TP63: variants seen among roughly 807,000 people sequenced by gnomAD.
The protein encoded by TP63 is tumor protein 63.
TP63 carries 17 observed loss-of-function variants against 82.8 expected under a neutral mutation model. The ratio of observed to expected loss-of-function variants is 0.21; its 90% confidence interval spans 0.14 to 0.31. The LOEUF (loss-of-function observed/expected upper bound fraction) is 0.31. TP63 is among the 10% of genes least tolerant of loss of function. The pLI, the probability that TP63 is intolerant of heterozygous loss-of-function variation, is 1.00. For synonymous variants in TP63, 330 were observed against 321.7 expected (o/e 1.03, Z -0.28); for missense variants, 648 against 895.3 (o/e 0.72, Z 3.52).
intron 3 of TP63, among the ~76,000 whole-genome samples, chr3:189,749,031 C>T (rs1168718412): frequency 3.3e-5 from 5 of 151,856 alleles, no homozygotes; most frequent in Non-Finnish European, 7.4e-5. Flanking sequence ...CAAAAATCAA[C>T]ACAGATAAAA....
intron 1 of TP63, among the ~76,000 whole-genome samples, chr3:189,683,166 G>T (rs376745129): frequency 3.3e-5 from 5 of 152,208 alleles, no homozygotes; most frequent in African/African-American, 1.2e-4. Flanking sequence ...TAATTATAAA[G>T]ACATTGCCTA....
intron 4 of TP63, among the ~76,000 whole-genome samples, chr3:189,818,367 C>T (rs1396908516): frequency 6.6e-6 from 1 of 151,950 alleles, no homozygotes. Context: ...TTGGAAATAA[C>T]AAAATGATTC....
At chr3:189,865,065 A>C (rs1041863993) in intron 5 of TP63, among the ~76,000 whole-genome samples, 16 of 152,140 alleles carry the variant, frequency 1.1e-4, no homozygotes, top group South Asian at 4.1e-4. Context: ...CATGGTAGCT[A>C]TTCTACTTGG....
chr3:189,647,893 A>G (rs544822238), intron 1 of TP63, among the ~76,000 whole-genome samples: 1 of 147,412 alleles, frequency 6.8e-6, no homozygotes, highest in Non-Finnish European at 1.5e-5. Flanking sequence ...TTTCACTTGC[A>G]ATGGAAATGT....
intron 1 of TP63, among the ~76,000 whole-genome samples, chr3:189,725,365 C>T (rs1175780293): frequency 1.3e-5 from 2 of 151,996 alleles, no homozygotes; most frequent in Non-Finnish European, 2.9e-5. Context: ...AAACATAGGA[C>T]TTATCGGGAC....
chr3:189,767,315 C>T (rs1439269938), intron 3 of TP63, among the ~76,000 whole-genome samples: 1 of 152,028 alleles, frequency 6.6e-6, no homozygotes, highest in Non-Finnish European at 1.5e-5. Context: ...TAATAACTCA[C>T]ATAACATGTT....
intron 1 of TP63, among the ~76,000 whole-genome samples, chr3:189,676,649 T>C (rs553533113): frequency 2.0e-5 from 3 of 151,956 alleles, no homozygotes; most frequent in African/African-American, 7.2e-5. Flanking sequence ...CATGGATACA[T>C]TGGATAGTAG....
At chr3:189,888,496 T>A (rs974782528) in intron 11 of TP63, among the ~76,000 whole-genome samples, 2 of 152,208 alleles carry the variant, frequency 1.3e-5, no homozygotes, top group African/African-American at 4.8e-5. Flanking sequence ...GGGAAACAGA[T>A]TGAGATGTGA....
chr3:189,863,940 C>T (rs1663374183), intron 4 of TP63, among the ~76,000 whole-genome samples: 1 of 152,196 alleles, frequency 6.6e-6, no homozygotes, highest in Admixed American at 6.5e-5. Flanking sequence ...TTAAACCCCT[C>T]TGAGCCTCAG....
chr3:189,619,796 A>G, the TP63 span, among the ~76,000 whole-genome samples: 1 of 152,140 alleles, frequency 6.6e-6, no homozygotes, highest in Non-Finnish European at 1.5e-5. Flanking sequence ...GATCAACCTC[A>G]GTAAATTGTA....
At chr3:189,617,993 G>A in the TP63 span, among the ~76,000 whole-genome samples, 2 of 152,160 alleles carry the variant, frequency 1.3e-5, no homozygotes, top group Non-Finnish European at 2.9e-5. Flanking sequence ...AACTCAAACT[G>A]TCTGTACCCA....
intron 3 of TP63, among the ~76,000 whole-genome samples, chr3:189,751,344 A>G (rs1721809320): frequency 6.6e-6 from 1 of 152,172 alleles, no homozygotes; most frequent in Admixed American, 6.5e-5. Flanking sequence ...CAGTAATGGG[A>G]CCGCTGGGTC....
intron 3 of TP63, among the ~76,000 whole-genome samples, chr3:189,778,234 A>T (rs556570946): frequency 6.6e-6 from 1 of 152,330 alleles, no homozygotes; most frequent in African/African-American, 2.4e-5. Context: ...AGTGTTTGAA[A>T]GGAAATGTGT....
At chr3:189,714,643 C>T (rs11915751) in intron 1 of TP63, among the ~76,000 whole-genome samples, 94,249 of 151,890 alleles carry the variant, frequency 0.62, 29,609 homozygotes, top group Middle Eastern at 0.71. Flanking sequence ...TTTTCCTTGG[C>T]TGGAGATTAT....
intron 3 of TP63, among the ~76,000 whole-genome samples, chr3:189,752,689 C>G (rs1047230522): frequency 2.0e-5 from 3 of 151,818 alleles, no homozygotes; most frequent in Non-Finnish European, 2.9e-5. Context: ...TATTTGCTTT[C>G]TTTTTCTTTG....
At chr3:189,874,917 C>T (rs1017631313) in intron 10 of TP63, among the ~76,000 whole-genome samples, 3 of 151,700 alleles carry the variant, frequency 2.0e-5, no homozygotes, top group African/African-American at 2.4e-5. Flanking sequence ...ACCAAAATGA[C>T]CTCCAAAACA....
chr3:189,803,355 C>T (rs959834393), intron 3 of TP63, among the ~76,000 whole-genome samples: 1 of 152,280 alleles, frequency 6.6e-6, no homozygotes, highest in African/African-American at 2.4e-5. Flanking sequence ...TTCAAAAACA[C>T]AAATTATAGG....
chr3:189,853,333 C>T (rs192595250), intron 4 of TP63, among the ~76,000 whole-genome samples: 1 of 152,340 alleles, frequency 6.6e-6, no homozygotes, highest in East Asian at 1.9e-4. Context: ...CCGTCCTGCT[C>T]TACAAGGCCT....
chr3:189,790,199 C>G (rs1053399499), intron 3 of TP63, among the ~76,000 whole-genome samples: 1 of 152,004 alleles, frequency 6.6e-6, no homozygotes, highest in Non-Finnish European at 1.5e-5. Context: ...ATTCATGTAC[C>G]AGTAAGAAAA....
Sources: gnomAD v4.1 joint callset for allele counts (sites outside exome capture counted in the v4.1 genomes callset) on GRCh38, gnomAD v4.1.1 for gene constraint, MANE v1.5 for transcripts, NCBI Gene and HGNC (gene_info 2026-07-23, HGNC 2026-07-21) for gene names.